EPB41L4B: variants seen among roughly 807,000 people sequenced by gnomAD.
EPB41L4B encodes band 4.1-like protein 4B.
Under a neutral mutation model 112.5 loss-of-function variants are expected in EPB41L4B, and 30 were observed. That is an observed-to-expected ratio of 0.27 (90% confidence interval 0.20 to 0.36). EPB41L4B has a LOEUF of 0.36. Ranked by LOEUF, EPB41L4B falls within the 10% of genes least tolerant of loss-of-function variation. The pLI is 1.00. For missense variants in EPB41L4B, 1,024 were observed against 1,133.3 expected (o/e 0.90, Z 1.38); for synonymous variants, 408 against 439.7 (o/e 0.93, Z 0.90).
intron 1 of EPB41L4B, among the ~76,000 whole-genome samples, chr9:109,293,324 G>A (rs572856482): frequency 9.2e-5 from 14 of 151,518 alleles, no homozygotes; most frequent in Non-Finnish European, 1.3e-4. Flanking sequence ...ACAGCATGAC[G>A]TTAACTTAGG....
At chr9:109,217,252 T>C (rs1280990616) in intron 15 of EPB41L4B, 107 bp from the exon 16 acceptor site, 14 of 892,314 alleles carry the variant, frequency 1.6e-5, no homozygotes, top group Non-Finnish European at 1.9e-5. Flanking sequence ...AGAAATAAAC[T>C]CAAAAACTAG....
chr9:109,192,439 C>T, intron 21 of EPB41L4B, 84 bp from the exon 22 acceptor site: 2 of 985,626 alleles, frequency 2.0e-6, no homozygotes, highest in Non-Finnish European at 3.1e-6. Flanking sequence ...CAGAGGTTCC[C>T]AGCCTCTCCT....
At position 109,293,698 on chromosome 9, in the gene EPB41L4B, T is replaced by TAA. The variant is rs58106653; in HGVS notation, c.307-13779_307-13778dup. Among the ~76,000 whole-genome samples, 1,310 of 131,566 alleles carry TAA rather than the reference T, an allele frequency of 1.0e-2. 22 individuals are homozygous for TAA. Among genetic ancestry groups the TAA allele is most frequent in the African/African-American group, 0.035 (1,240 of 35,184 alleles). The allele number at this position is 131,566 out of a possible 152,430, so 86.3% of individuals were successfully genotyped here. A position where few individuals can be genotyped will look rare whatever the true frequency, so the allele number is the denominator to read the frequency against. ...CATGCCTGGACAACATACACATTCT[T>TAA]AAAAAAAAAAAAAAAAAAAAAACAT... On this transcript the variant is annotated intron_variant, in intron 1 of 25. Coordinates refer to ENST00000374566, the MANE Select transcript of EPB41L4B (RefSeq NM_019114.5).
intron 19 of EPB41L4B, among the ~76,000 whole-genome samples, chr9:109,201,643 C>T (rs7021903): frequency 0.37 from 55,589 of 151,722 alleles, 10,255 homozygotes; most frequent in African/African-American, 0.41. Context: ...CGGTCAGCAT[C>T]GGGGAAAGCT....
intron 15 of EPB41L4B, among the ~76,000 whole-genome samples, chr9:109,219,633 C>T (rs762835811): frequency 1.8e-4 from 27 of 152,216 alleles, no homozygotes; most frequent in Non-Finnish European, 2.9e-4. Context: ...GGATTACAGG[C>T]GTGAGCCACC....
At position 109,174,669 on chromosome 9, in the gene EPB41L4B, T is replaced by C. The variant is rs76019241; in HGVS notation, c.2634-46A>G. On this transcript the variant is annotated intron_variant, in intron 25 of 25. Coordinates refer to ENST00000374566, the MANE Select transcript of EPB41L4B (RefSeq NM_019114.5). The stretch of plus-strand genomic sequence containing the variant: ...AAATAGTGAGACAATCCCTCAAAAA[T>C]TGCAGAAGCAGACAGCTTAAGTATC... The C allele has an allele frequency of 5.5e-4, 861 of 1,564,822 alleles. 10 individuals are homozygous for C. In the East Asian group the frequency reaches 0.011, roughly 19 times the overall value.
intron 1 of EPB41L4B, among the ~76,000 whole-genome samples, chr9:109,304,898 C>T (rs115832294): frequency 2.6e-5 from 4 of 152,024 alleles, no homozygotes; most frequent in Admixed American, 1.3e-4. Flanking sequence ...GGAGGAATGA[C>T]GGCTCAACAG....
intron 24 of EPB41L4B, among the ~76,000 whole-genome samples, chr9:109,177,819 TC>T (rs1391482233): frequency 6.8e-6 from 1 of 147,422 alleles, no homozygotes; most frequent in Non-Finnish European, 1.5e-5. Flanking sequence ...AGACTCTGTC[TC>T]AAAAAAAAAA....
intron 13 of EPB41L4B, among the ~76,000 whole-genome samples, chr9:109,251,242 G>T (rs1474754801): frequency 2.0e-5 from 3 of 152,168 alleles, no homozygotes; most frequent in Non-Finnish European, 4.4e-5. Flanking sequence ...CATAAACAAA[G>T]CACACAGCTA....
At chr9:109,211,416 G>A (rs908133294) in intron 17 of EPB41L4B, among the ~76,000 whole-genome samples, 7 of 151,942 alleles carry the variant, frequency 4.6e-5, no homozygotes, top group African/African-American at 1.7e-4. Context: ...CCAACATGGT[G>A]AAATCCCATG....
chr9:109,252,819 A>C (rs182905580), intron 12 of EPB41L4B, among the ~76,000 whole-genome samples: 34 of 152,304 alleles, frequency 2.2e-4, no homozygotes, highest in Non-Finnish European at 1.6e-4. Context: ...CTGGGATCCA[A>C]CAGAAATGAG....
chr9:109,199,295 A>C (rs1358479967), intron 20 of EPB41L4B, among the ~76,000 whole-genome samples: 1 of 152,130 alleles, frequency 6.6e-6, no homozygotes, highest in African/African-American at 2.4e-5. Flanking sequence ...TCCCCGTCCT[A>C]GTATTCATGC....
intron 1 of EPB41L4B, among the ~76,000 whole-genome samples, chr9:109,314,190 G>C (rs537936670): frequency 6.6e-6 from 1 of 152,176 alleles, no homozygotes; most frequent in Non-Finnish European, 1.5e-5. Flanking sequence ...ACTCCCAGCC[G>C]GCCAAAGGAA....
intron 24 of EPB41L4B, among the ~76,000 whole-genome samples, chr9:109,179,682 T>C (rs1281595113): frequency 6.6e-6 from 1 of 152,190 alleles, no homozygotes; most frequent in Non-Finnish European, 1.5e-5. Flanking sequence ...GGACCCACTG[T>C]CCATCCACAT....
At chr9:109,267,586 T>C (rs1194557987) in intron 3 of EPB41L4B, 35 bp from the exon 4 acceptor site, 1 of 1,413,382 alleles carries the variant, frequency 7.1e-7, no homozygotes, top group Non-Finnish European at 1.0e-6. Context: ...GAAGATGTTT[T>C]TCCCCCAGTT....
chr9:109,202,486 C>A (rs1198024170), intron 19 of EPB41L4B, among the ~76,000 whole-genome samples: 1 of 152,198 alleles, frequency 6.6e-6, no homozygotes. Flanking sequence ...GAGTAGGACC[C>A]AGGAGTTTGT....
chr9:109,274,230 A>G (rs550860007), intron 2 of EPB41L4B, among the ~76,000 whole-genome samples: 4 of 152,266 alleles, frequency 2.6e-5, no homozygotes, highest in African/African-American at 7.2e-5. Context: ...AGCTTAGGGA[A>G]GGACTTACAG....
intron 15 of EPB41L4B, among the ~76,000 whole-genome samples, chr9:109,222,029 A>G (rs1309841069): frequency 6.6e-6 from 1 of 152,184 alleles, no homozygotes; most frequent in African/African-American, 2.4e-5. Context: ...GGTATCATGC[A>G]TTTGTCTTTC....
chr9:109,286,220 G>T (rs1448814945), intron 1 of EPB41L4B, among the ~76,000 whole-genome samples: 1 of 148,908 alleles, frequency 6.7e-6, no homozygotes, highest in Non-Finnish European at 1.5e-5. Context: ...TGGATGGATG[G>T]GTGGATGGAT....
Sources: allele counts gnomAD v4.1 joint callset (sites outside exome capture counted in the v4.1 genomes callset), GRCh38; gene constraint gnomAD v4.1.1; transcripts MANE v1.5; gene names NCBI Gene and HGNC (gene_info 2026-07-23, HGNC 2026-07-21).